Variants in LAMC2 observed in about 807,000 individuals in gnomAD.
LAMC2 encodes laminin subunit gamma-2.
Under a neutral mutation model 140.2 loss-of-function variants are expected in LAMC2, and 97 were observed. The observed-to-expected ratio is 0.69, with a 90% CI of 0.59 to 0.82. The LOEUF (loss-of-function observed/expected upper bound fraction) is 0.82. Among genes scored for constraint, LAMC2 ranks in the 40% least tolerant of loss-of-function variants. The pLI is 0.00. For missense variants in LAMC2, 1,402 were observed against 1,476.1 expected, an observed-to-expected ratio of 0.95 and a Z score of 0.82; for synonymous variants, 513 against 540.2, an observed-to-expected ratio of 0.95 and a Z score of 0.70.
intron 1 of LAMC2, among the ~76,000 whole-genome samples, chr1:183,192,335 C>T (rs1233452260): frequency 2.0e-5 from 3 of 152,220 alleles, no homozygotes; most frequent in Non-Finnish European, 4.4e-5. Context: ...AAATCATTTC[C>T]CACAACTAAC....
chr1:183,237,291 C>T lies in LAMC2; in HGVS notation c.2602-61C>T, dbSNP rs1659993805. 4 of 1,588,868 alleles carry T rather than the reference C, an allele frequency of 2.5e-6. No homozygotes were observed. The African/African-American group carries it at 5.4e-5, about 21-fold the overall frequency. On this transcript the variant is annotated intron_variant, in intron 17 of 22. Coordinates refer to ENST00000264144, the MANE Select transcript of LAMC2 (RefSeq NM_005562.3). ...TTCAAACAATGGTGCCAGGTCCTAA[C>T]AAGGCTGGTGTGGTAACTGGTAAGC...
At chr1:183,196,194 A>G (rs188548108) in intron 1 of LAMC2, among the ~76,000 whole-genome samples, 60 of 151,974 alleles carry the variant, frequency 3.9e-4, no homozygotes, top group African/African-American at 1.4e-3. Context: ...CTGGAGTGCA[A>G]TGGCACAATC....
At chr1:183,190,906 A>G (rs1158725848) in intron 1 of LAMC2, among the ~76,000 whole-genome samples, 1 of 152,192 alleles carries the variant, frequency 6.6e-6, no homozygotes, top group East Asian at 1.9e-4. Context: ...ATCATTTTCA[A>G]AACATTTAAA....
intron 3 of LAMC2, among the ~76,000 whole-genome samples, chr1:183,217,352 CACAAACAAACAA>C (rs112773271): frequency 9.3e-5 from 14 of 150,934 alleles, no homozygotes; most frequent in Non-Finnish European, 1.5e-4. Context: ...AAAATCTTGC[CACAAACAAACAA>C]ACAAACAAAC....
intron 2 of LAMC2, among the ~76,000 whole-genome samples, chr1:183,212,054 T>G (rs1659086120): frequency 6.6e-6 from 1 of 152,152 alleles, no homozygotes; most frequent in Admixed American, 6.5e-5. Flanking sequence ...TTGGAAGTTT[T>G]GGAACATGAA....
At position 183,243,705 on chromosome 1, in the gene LAMC2, T is replaced by C. The variant is rs1253257037; in HGVS notation, c.*305T>C. On this transcript the variant is annotated 3_prime_UTR_variant, in exon 23 of 23. Transcript: ENST00000264144. ...GCACAGGCAGATGTTTGCCTCATAA[T>C]AGTCGTAAGTGGAGTCCTGGAATTT... 2 of 432,088 alleles carry C rather than the reference T, an allele frequency of 4.6e-6. No individual in the cohort carries two copies. The highest frequency in any genetic ancestry group is 2.3e-5 in the South Asian group (1 of 42,898). 26.8% of individuals were successfully genotyped at this position (432,088 alleles called of 1,614,324 possible).
chr1:183,187,110 A>G lies in LAMC2; in HGVS notation c.79+679A>G, dbSNP rs1002953816. ...TCTTAACTGTAAGCATGTGTCAGCT[A>G]TGGCAACATTTTATGGGTGTTTTCC... is the stretch of plus-strand genomic sequence containing the variant. On this transcript the variant is annotated intron_variant, in intron 1 of 22. Coordinates refer to ENST00000264144, the MANE Select transcript of LAMC2 (RefSeq NM_005562.3). Among the ~76,000 whole-genome samples the G allele has an allele frequency of 8.5e-5, 13 of 152,214 alleles. 1 individual carries two copies. The highest frequency in any genetic ancestry group is 7.9e-4 in the Admixed American group (12 of 15,282).
At chr1:183,229,987 C>T (rs1659751810) in intron 11 of LAMC2, among the ~76,000 whole-genome samples, 1 of 152,224 alleles carries the variant, frequency 6.6e-6, no homozygotes, top group Non-Finnish European at 1.5e-5. Context: ...ATTAATCCCT[C>T]TAAGCCTCAG....
rs372647550 is a variant in LAMC2, at chr1:183,232,311, A to G, written c.1982A>G (p.Gln661Arg). The change falls in exon 13 of 23, where the codon CAG becomes CGG. Residue 661 changes from glutamine (Q) to arginine (R), a missense_variant. This residue lies in a region of LAMC2 where 670 missense variants were observed against 667.2 expected (regional missense o/e 1.00). Coordinates refer to ENST00000264144, the MANE Select transcript of LAMC2 (RefSeq NM_005562.3). ...GRMQQAEQAL[Q>R]DILRDAQISE... is the part of the protein sequence containing the mutation. The stretch of plus-strand genomic sequence containing the variant: ...ATGCAGCAGGCTGAGCAGGCCCTTC[A>G]GGACATTCTGAGAGATGCCCAGATT... 3.1e-6 allele frequency: 5 copies of G among 1,614,008 alleles called. No homozygotes were observed. In the African/African-American group the frequency reaches 6.7e-5, roughly 22 times the overall value.
chr1:183,203,807 A>T (rs544212450), intron 1 of LAMC2, among the ~76,000 whole-genome samples: 9 of 152,244 alleles, frequency 5.9e-5, no homozygotes, highest in African/African-American at 1.9e-4. Context: ...TACATTCCCC[A>T]GACATGAGGC....
At chr1:183,233,734 TTA>T (rs779802376) in intron 14 of LAMC2, among the ~76,000 whole-genome samples, 3 of 151,736 alleles carry the variant, frequency 2.0e-5, no homozygotes, top group South Asian at 2.1e-4. Flanking sequence ...ATTTTTATTT[TTA>T]TTTTTTTTGG....
Position 183,220,823 on chromosome 1 carries a change from A to C in LAMC2, c.504-2A>C, listed in dbSNP as rs1553265770. On this transcript the variant is annotated splice_acceptor_variant, in intron 4 of 22. Coordinates refer to ENST00000264144, the MANE Select transcript of LAMC2 (RefSeq NM_005562.3). LOFTEE classifies it high-confidence loss of function. ...ATCCTGATTTCTACAATGCCACTGC[A>C]GGTGTCGATCAGGTTACTATAATCT... 2 of 1,613,644 alleles carry C rather than the reference A, an allele frequency of 1.2e-6. No individual in the cohort carries two copies. The highest frequency in any genetic ancestry group is 1.7e-6 in the Non-Finnish European group (2 of 1,179,506).
intron 8 of LAMC2, among the ~76,000 whole-genome samples, chr1:183,226,106 G>A (rs1300262220): frequency 6.6e-6 from 1 of 150,612 alleles, no homozygotes; most frequent in Non-Finnish European, 1.5e-5. Flanking sequence ...CTCCATGCTA[G>A]CCTGTCTGAG....
rs1224358263 is a variant in LAMC2, at chr1:183,228,083, G to A, written c.1469-291G>A. Among the ~76,000 whole-genome samples, 1 of 152,222 alleles carries A rather than the reference G, an allele frequency of 6.6e-6. No homozygotes were observed. The highest frequency in any genetic ancestry group is 6.5e-5 in the Admixed American group (1 of 15,284). ...AAGAAGAATGGATTCTTCAGCAGCA[G>A]TTTTGGGGGTATTGCTCAAAACCTT... On this transcript the variant is annotated intron_variant, in intron 10 of 22. Coordinates refer to ENST00000264144, the MANE Select transcript of LAMC2 (RefSeq NM_005562.3). This position sits in a 1 kb window ranked among gnomAD's most constrained non-coding sequence, Gnocchi z 4.3.
chr1:183,192,388 G>A (rs2102166304), intron 1 of LAMC2, among the ~76,000 whole-genome samples: 1 of 152,352 alleles, frequency 6.6e-6, no homozygotes, highest in South Asian at 2.1e-4. Flanking sequence ...CTGCACTGAT[G>A]TGGGGCATTT....
Position 183,244,612 on chromosome 1 carries a change from C to A in LAMC2, c.*1212C>A, listed in dbSNP as rs906072010. ...ATTGCAATAACCGCTTGGTTTGCAACCTCTTTGCTCAACAGAACATATGTT... is the reference window on the plus strand; with the variant it reads ...ATTGCAATAACCGCTTGGTTTGCAAACTCTTTGCTCAACAGAACATATGTT... On this transcript the variant is annotated 3_prime_UTR_variant, in exon 23 of 23. Transcript: ENST00000264144. 2 of 152,656 alleles carry A rather than the reference C, an allele frequency of 1.3e-5. No homozygotes were observed. The highest frequency in any genetic ancestry group is 4.8e-5 in the African/African-American group (2 of 41,464). The allele number at this position is 152,656 out of a possible 1,614,324, so 9.5% of individuals were successfully genotyped here.
chr1:183,219,099 A>G (rs1314603028), intron 4 of LAMC2, among the ~76,000 whole-genome samples: 2 of 152,210 alleles, frequency 1.3e-5, no homozygotes, highest in African/African-American at 2.4e-5. Flanking sequence ...CTTAAGTACA[A>G]CTGTGCTCTG....
At position 183,225,719 on chromosome 1, in the gene LAMC2, C is replaced by A; in HGVS notation, c.1065C>A (p.Tyr355Ter). 6.3e-7 allele frequency: 1 copy of A among 1,578,598 alleles called. No homozygotes were observed. Among genetic ancestry groups the A allele is most frequent in the Non-Finnish European group, 8.7e-7 (1 of 1,147,456 alleles). ...GCATCCGAGCTACATATGGAGAATA[C>A]AGTAAGTGGCTACGAGAAATTAATT... ...ALRIRATYGEYSTGYIDNVTL... is the reference protein window; with the variant it reads ...ALRIRATYGE Residue 355 changes from tyrosine (Y) to a stop codon, truncating the protein, a stop_gained and splice_region_variant, in exon 8 of 23, where the codon TAC (tyrosine) becomes TAA (stop). Coordinates refer to ENST00000264144, the MANE Select transcript of LAMC2 (RefSeq NM_005562.3). LOFTEE classifies it high-confidence loss of function.
intron 2 of LAMC2, among the ~76,000 whole-genome samples, chr1:183,211,634 C>G (rs1184568212): frequency 1.3e-5 from 2 of 152,132 alleles, no homozygotes; most frequent in African/African-American, 2.4e-5. Flanking sequence ...CCTCAGCCTC[C>G]TGAGTAGCTC....
Sources: gnomAD v4.1 joint callset for allele counts (sites outside exome capture counted in the v4.1 genomes callset) on GRCh38, gnomAD v4.1.1 for gene constraint, gnomAD v4.1.1 regional missense constraint, Gnocchi (gnomAD v3.1) non-coding constraint, MANE v1.5 for transcripts, NCBI Gene and HGNC (gene_info 2026-07-23, HGNC 2026-07-21) for gene names.